Variants in MACF1 observed in about 807,000 individuals in gnomAD.
MACF1 encodes the protein microtubule actin crosslinking factor 1, also known as microtubule-actin cross-linking factor 1.
Under a neutral mutation model 854.8 loss-of-function variants are expected in MACF1, and 193 were observed. The ratio of observed to expected loss-of-function variants is 0.23; its 90% confidence interval spans 0.20 to 0.25. The LOEUF is 0.25. Among genes scored for constraint, MACF1 ranks in the 10% least tolerant of loss-of-function variants. The probability of loss-of-function intolerance (pLI) is 1.00; values close to 1 mark genes in which losing one functional copy is unlikely to be tolerated. For synonymous variants in MACF1, 3,185 were observed against 3,226.7 expected (o/e 0.99, Z 0.44); for missense variants, 7,722 against 8,929.1 (o/e 0.86, Z 5.45).
intron 49 of MACF1, among the ~76,000 whole-genome samples, chr1:39,363,411 A>G (rs1648375562): frequency 6.6e-6 from 1 of 152,134 alleles, no homozygotes; most frequent in Admixed American, 6.6e-5. Flanking sequence ...CAAAATGAAC[A>G]TACACACACA....
In MACF1 at chr1:39,117,927, AT is replaced by A. The variant is rs374530885; in HGVS notation, c.220+33490del. 2.3e-4 allele frequency among the ~76,000 whole-genome samples: 35 copies of A among 152,386 alleles called. No homozygotes were observed. In the East Asian group the frequency reaches 6.6e-3, roughly 29 times the overall value. The stretch of plus-strand genomic sequence containing the variant: ...GAAGAGGATTAACAGAGACCAGATC[AT>A]CTTCAGCTCCAACTAAGATGGCAGA... On this transcript the variant is annotated intron_variant, in intron 2 of 93. Coordinates refer to the MACF1 transcript ENST00000361689.
chr1:39,100,923 T>G, intron 2 of MACF1, among the ~76,000 whole-genome samples: 1 of 152,006 alleles, frequency 6.6e-6, no homozygotes, highest in Non-Finnish European at 1.5e-5. Context: ...CGCGTGTGTG[T>G]GTGTGTGTAT....
At chr1:39,240,844 G>A (rs775247133) in intron 2 of MACF1, among the ~76,000 whole-genome samples, 29 of 152,238 alleles carry the variant, frequency 1.9e-4, no homozygotes, top group South Asian at 4.1e-4. Flanking sequence ...CTGTTAATCC[G>A]GGTTGACCGG....
intron 70 of MACF1, among the ~76,000 whole-genome samples, chr1:39,437,053 A>G (rs1643994535): frequency 6.6e-6 from 1 of 152,138 alleles, no homozygotes; most frequent in Non-Finnish European, 1.5e-5. Context: ...GGTGGAGGGC[A>G]TCTAACTTGT....
chr1:39,249,828 T>C (rs1478038515), intron 2 of MACF1, 186 bp from the exon 3 acceptor site: 1 of 476,424 alleles, frequency 2.1e-6, no homozygotes, highest in Non-Finnish European at 3.7e-6. Context: ...CACACGTTTC[T>C]GGTAAAGTAT....
At position 39,337,349 on chromosome 1, in the gene MACF1, TC is replaced by T. The variant is rs1268498650; in HGVS notation, c.10215+20del. 3 of 1,611,046 alleles carry T rather than the reference TC, an allele frequency of 1.9e-6. No individual in the cohort carries two copies. The highest frequency in any genetic ancestry group is 3.4e-5 in the Admixed American group (2 of 59,284). On this transcript the variant is annotated intron_variant, in intron 38 of 100. Coordinates refer to ENST00000564288, the MANE Select transcript of MACF1 (RefSeq NM_001394062.1). The stretch of plus-strand genomic sequence containing the variant: ...AGGCCAAGGTAGGTTCCCAGAGACT[TC>T]CACCACAGACACCAGCTTCAAGATA...
chr1:39,379,237 A>G lies in MACF1; in HGVS notation c.13311A>G (p.Val4437=). The change falls in exon 54 of 101, where the codon GTA becomes GTG. Residue 4437 remains valine (V), a synonymous_variant. Transcript: ENST00000564288. The stretch of plus-strand genomic sequence containing the variant: ...AGATCCAGTGTGACATGTCAGATGT[A>G]AACTTGAAGTATGAGAAACTAGGGG... The part of the protein sequence containing the change: ...LTEIQCDMSD[V]NLKYEKLGGV... 1.2e-6 allele frequency: 2 copies of G among 1,609,928 alleles called. No homozygotes were observed. Among genetic ancestry groups the G allele is most frequent in the East Asian group, 2.2e-5 (1 of 44,810 alleles).
intron 47 of MACF1, among the ~76,000 whole-genome samples, chr1:39,360,012 AATATATATATATATATATATAT>A (rs1188839648): frequency 5.6e-4 from 16 of 28,828 alleles, no homozygotes; most frequent in East Asian, 9.5e-4. Context: ...AAAAAAAAAA[AATATATATATATATATATATAT>A]ATATATATAT....
In MACF1 at chr1:39,412,771, C is replaced by A. The variant is rs144350483; in HGVS notation, c.15817-9603C>A. ...GATACCCGTCCTCCAGAGACCTTCC[C>A]GGACTGCTGCAGTACCCACTGTCAA... On this transcript the variant is annotated intron_variant, in intron 58 of 100. Coordinates refer to ENST00000564288, the MANE Select transcript of MACF1 (RefSeq NM_001394062.1). 4.3e-6 allele frequency: 7 copies of A among 1,612,560 alleles called. No individual in the cohort carries two copies. The African/African-American group carries it at 9.3e-5, about 22-fold the overall frequency.
chr1:39,127,942 G>A (rs145212088), intron 2 of MACF1, among the ~76,000 whole-genome samples: 92 of 152,224 alleles, frequency 6.0e-4, no homozygotes, highest in African/African-American at 2.2e-3. Flanking sequence ...AATTAAACAT[G>A]TTCACTGTAA....
rs1643370130 is a variant in MACF1, at chr1:39,417,712, A to ATTTTTTTTTTTTTT, written c.15817-4662_15817-4661insTTTTTTTTTTTTTT. On this transcript the variant is annotated intron_variant, in intron 58 of 100. Transcript: ENST00000564288. ...CAGGAATGTGCCACCACACCCAGTTAATTTTTTTTTTTTTTTTTTTTTTTT... is the reference window on the plus strand; with the variant it reads ...CAGGAATGTGCCACCACACCCAGTTATTTTTTTTTTTTTTATTTTTTTTTTTTTTTTTTTTTTTT... 4.4e-5 allele frequency among the ~76,000 whole-genome samples: 3 copies of ATTTTTTTTTTTTTT among 68,516 alleles called. No homozygotes were observed. The East Asian group carries it at 1.4e-3, about 31-fold the overall frequency. 44.9% of individuals were successfully genotyped at this position (68,516 alleles called of 152,430 possible).
intron 97 of MACF1, among the ~76,000 whole-genome samples, chr1:39,477,074 T>TACACACAC (rs1247508229): frequency 0.011 from 281 of 24,890 alleles, 13 homozygotes; most frequent in African/African-American, 0.022. Context: ...TATATATATA[T>TACACACAC]ATATATATAT....
chr1:39,142,247 C>A (rs1023519560), intron 2 of MACF1, among the ~76,000 whole-genome samples: 1 of 152,154 alleles, frequency 6.6e-6, no homozygotes, highest in African/African-American at 2.4e-5. Flanking sequence ...AAACTGCCAG[C>A]CTCCTGTTGC....
At chr1:39,343,875 G>A (rs2148488858) in intron 40 of MACF1, among the ~76,000 whole-genome samples, 1 of 152,336 alleles carries the variant, frequency 6.6e-6, no homozygotes, top group South Asian at 2.1e-4. Flanking sequence ...CAGCACTTTG[G>A]GAGGCCGAGG....
intron 2 of MACF1, among the ~76,000 whole-genome samples, chr1:39,119,961 G>A (rs1319081034): frequency 7.7e-6 from 1 of 130,216 alleles, no homozygotes; most frequent in Non-Finnish European, 1.6e-5. Flanking sequence ...TCGGCTCACC[G>A]CAACCTCTGC....
chr1:39,140,293 C>G (rs901734134), intron 2 of MACF1, among the ~76,000 whole-genome samples: 5 of 152,102 alleles, frequency 3.3e-5, no homozygotes, highest in Non-Finnish European at 4.4e-5. Context: ...CATGTTTTTT[C>G]CACCAAACAG....
chr1:39,483,219 A>G (rs1645048721), intron 99 of MACF1, among the ~76,000 whole-genome samples: 1 of 152,188 alleles, frequency 6.6e-6, no homozygotes, highest in Admixed American at 6.5e-5. Flanking sequence ...TAGCAGTGAT[A>G]ATAATATGTA....
chr1:39,444,590 G>A (rs1379280076), intron 79 of MACF1, 72 bp from the exon 80 acceptor site: 36 of 1,389,538 alleles, frequency 2.6e-5, no homozygotes, highest in Non-Finnish European at 3.0e-5. Context: ...CCCAGACTCT[G>A]CTACAGAATC....
At chr1:39,146,260 T>G (rs1414835996) in intron 2 of MACF1, among the ~76,000 whole-genome samples, 1 of 152,046 alleles carries the variant, frequency 6.6e-6, no homozygotes, top group African/African-American at 2.4e-5. Flanking sequence ...CTGGCCAACA[T>G]GGCGAAACCC....
Sources: allele counts gnomAD v4.1 joint callset (sites outside exome capture counted in the v4.1 genomes callset), GRCh38; gene constraint gnomAD v4.1.1; transcripts MANE v1.5; gene names NCBI Gene and HGNC (gene_info 2026-07-23, HGNC 2026-07-21).